Variants in ARMC7 observed in about 807,000 individuals in gnomAD.
ARMC7 encodes the protein armadillo repeat containing 7, also known as armadillo repeat-containing protein 7.
A neutral mutation model predicts 14.8 loss-of-function variants in ARMC7; 9 were observed. The observed-to-expected ratio is 0.61, with a 90% CI of 0.37 to 1.06. ARMC7 has a LOEUF of 1.06. ARMC7 is among the 50% of genes least tolerant of loss of function. ARMC7 has a pLI of 0.01. For synonymous variants in ARMC7, 125 were observed against 123.4 expected (o/e 1.01, Z -0.09); for missense variants, 262 against 267.1 (o/e 0.98, Z 0.13).
At chr17:75,120,191 C>T (rs1172161308) in intron 2 of ARMC7, among the ~76,000 whole-genome samples, 1 of 152,120 alleles carries the variant, frequency 6.6e-6, no homozygotes, top group East Asian at 1.9e-4. Context: ...CATGAGCCCC[C>T]ACGCCCGGCC....
intron 2 of ARMC7, among the ~76,000 whole-genome samples, chr17:75,115,519 C>A (rs924203490): frequency 7.9e-5 from 12 of 151,458 alleles, no homozygotes; most frequent in Non-Finnish European, 1.5e-4. Flanking sequence ...GCCTGGGTGA[C>A]AGAGCAAGAC....
intron 2 of ARMC7, among the ~76,000 whole-genome samples, chr17:75,116,590 A>G (rs1210385925): frequency 2.0e-5 from 3 of 152,160 alleles, no homozygotes; most frequent in Non-Finnish European, 2.9e-5. Flanking sequence ...ACGCCATTGC[A>G]CTCCAGCCTG....
At position 75,130,146 on chromosome 17, in the gene ARMC7, C is replaced by A; in HGVS notation, c.*1108C>A. The A allele has an allele frequency of 4.0e-6, 1 of 252,762 alleles. No homozygotes were observed. The highest frequency in any genetic ancestry group is 7.8e-6 in the Non-Finnish European group (1 of 128,712). The allele number at this position is 252,762 out of a possible 1,614,324, so 15.7% of individuals were successfully genotyped here. On this transcript the variant is annotated 3_prime_UTR_variant, in exon 3 of 3. Transcript: ENST00000245543. ...TGGGGCAGATTAGGGGACCACTGGA[C>A]TCAGAGGGGAGGGAAGGGCTCATCA...
chr17:75,122,812 A>G (rs566732564), intron 2 of ARMC7, among the ~76,000 whole-genome samples: 1 of 151,646 alleles, frequency 6.6e-6, no homozygotes, highest in South Asian at 2.1e-4. Flanking sequence ...AACAGCCAAT[A>G]TTTTGACAAA....
At chr17:75,127,925 T>C (rs2074063817) in intron 2 of ARMC7, among the ~76,000 whole-genome samples, 1 of 152,200 alleles carries the variant, frequency 6.6e-6, no homozygotes, top group South Asian at 2.1e-4. Flanking sequence ...TTTATTGCTA[T>C]ATGATGGACA....
intron 2 of ARMC7, among the ~76,000 whole-genome samples, chr17:75,111,307 A>C (rs55789633): frequency 0.018 from 2,663 of 151,090 alleles, 36 homozygotes; most frequent in Non-Finnish European, 0.03. Context: ...TTAGCCGGGC[A>C]TGGTGGTGGG....
At chr17:75,117,264 A>G (rs571818631) in intron 2 of ARMC7, among the ~76,000 whole-genome samples, 1 of 152,228 alleles carries the variant, frequency 6.6e-6, no homozygotes, top group Admixed American at 6.5e-5. Flanking sequence ...TTTAGTAGAG[A>G]CGGGGTTTCG....
At chr17:75,116,717 G>T (rs1221736674) in intron 2 of ARMC7, among the ~76,000 whole-genome samples, 1 of 152,208 alleles carries the variant, frequency 6.6e-6, no homozygotes, top group Admixed American at 6.5e-5. Context: ...GCCCTTAGAG[G>T]AGTTCCAATT....
Position 75,110,216 on chromosome 17 carries a change from G to T in ARMC7, c.-73G>T, listed in dbSNP as rs1435963187. On this transcript the variant is annotated 5_prime_UTR_variant, in exon 1 of 3. Coordinates refer to ENST00000245543, the MANE Select transcript of ARMC7 (RefSeq NM_024585.4). Reference sequence around the variant, plus strand: ...CCAGACAGGTGGAGAGCGGGTGAGGGTCTCGCTCGGCTTTCCCCCTGCACC... The same window carrying T: ...CCAGACAGGTGGAGAGCGGGTGAGGTTCTCGCTCGGCTTTCCCCCTGCACC... 7 of 1,408,760 alleles carry T rather than the reference G, an allele frequency of 5.0e-6. No individual in the cohort carries two copies. The highest frequency in any genetic ancestry group is 6.7e-6 in the Non-Finnish European group (7 of 1,051,364). 87.3% of individuals were successfully genotyped at this position (1,408,760 alleles called of 1,614,324 possible). A position where few individuals can be genotyped will look rare whatever the true frequency, so the allele number is the denominator to read the frequency against.
intron 2 of ARMC7, among the ~76,000 whole-genome samples, chr17:75,118,518 G>A (rs1213893767): frequency 6.6e-6 from 1 of 152,164 alleles, no homozygotes; most frequent in Non-Finnish European, 1.5e-5. Context: ...GTTGCCCGCC[G>A]TCGGCACCGC....
Position 75,123,049 on chromosome 17 carries a change from T to TA in ARMC7, c.236-5626dup, listed in dbSNP as rs376726544. On this transcript the variant is annotated intron_variant, in intron 2 of 2. Coordinates refer to ENST00000245543, the MANE Select transcript of ARMC7 (RefSeq NM_024585.4). The stretch of plus-strand genomic sequence containing the variant: ...TTTGGACACTTTTTTTTTTTTTTTT[T>TA]AATTTTTGAGGTGAAGTCTCACTCT... 5.4e-5 allele frequency among the ~76,000 whole-genome samples: 8 copies of TA among 149,466 alleles called. No individual in the cohort carries two copies. In the East Asian group the frequency reaches 5.9e-4, roughly 11 times the overall value.
intron 2 of ARMC7, among the ~76,000 whole-genome samples, chr17:75,120,227 A>G (rs974324595): frequency 6.6e-6 from 1 of 151,912 alleles, no homozygotes; most frequent in Non-Finnish European, 1.5e-5. Flanking sequence ...AATCCCTGGG[A>G]CCATCCTTCA....
At chr17:75,120,555 C>T (rs888205339) in intron 2 of ARMC7, among the ~76,000 whole-genome samples, 1 of 152,096 alleles carries the variant, frequency 6.6e-6, no homozygotes, top group Non-Finnish European at 1.5e-5. Context: ...TGGCTCAGGC[C>T]TGTAATCCCA....
chr17:75,112,569 T>TTTTC, intron 2 of ARMC7, among the ~76,000 whole-genome samples: 2 of 130,620 alleles, frequency 1.5e-5, no homozygotes, highest in Non-Finnish European at 3.2e-5. Context: ...TTTATTCTCT[T>TTTTC]TTTCTTTTTT....
intron 2 of ARMC7, among the ~76,000 whole-genome samples, chr17:75,124,688 C>CCCGCCATTTCCCATGGGAGGG (rs777709814): frequency 2.0e-4 from 30 of 151,980 alleles, no homozygotes; most frequent in South Asian, 8.3e-4. Context: ...TCCAGAGGGC[C>CCCGCCATTTCCCATGGGAGGG]CCGCCATTTC....
At chr17:75,115,715 A>G (rs1004635026) in intron 2 of ARMC7, among the ~76,000 whole-genome samples, 1 of 152,100 alleles carries the variant, frequency 6.6e-6, no homozygotes, top group African/African-American at 2.4e-5. Flanking sequence ...CAAAACAAGT[A>G]TCTGCTTGTT....
At chr17:75,120,446 C>G (rs1175807331) in intron 2 of ARMC7, among the ~76,000 whole-genome samples, 3 of 152,164 alleles carry the variant, frequency 2.0e-5, no homozygotes, top group Non-Finnish European at 1.5e-5. Flanking sequence ...CTTGTTTTCT[C>G]TCTGTCTTGT....
rs142697875 is a variant in ARMC7, at chr17:75,128,857, C to A, written c.416C>A (p.Thr139Lys). The change falls in exon 3 of 3, where the codon ACG becomes AAG. Residue 139 changes from threonine (T) to lysine (K), a missense_variant. Physicochemically the swap from Thr to Lys is moderately conservative, Grantham distance 78. Transcript: ENST00000245543. ...AGCTTTCTCCCAGAGCTGACCGCCA[C>A]GCCCGTGGTGCAGTGCATGCTTCGC... ...GRSFLPELTA[T>K]PVVQCMLRFS... 1 of 1,612,708 alleles carries A rather than the reference C, an allele frequency of 6.2e-7. No homozygotes were observed. Among genetic ancestry groups the A allele is most frequent in the Non-Finnish European group, 8.5e-7 (1 of 1,179,980 alleles).
intron 2 of ARMC7, chr17:75,114,894 C>T (rs1430801233): frequency 5.1e-6 from 2 of 389,458 alleles, no homozygotes; most frequent in Non-Finnish European, 9.1e-6. Context: ...TTACTGCCGT[C>T]GTTTCCCTTT....
Sources: gnomAD v4.1 joint callset for allele counts (sites outside exome capture counted in the v4.1 genomes callset) on GRCh38, gnomAD v4.1.1 for gene constraint, MANE v1.5 for transcripts, NCBI Gene and HGNC (gene_info 2026-07-23, HGNC 2026-07-21) for gene names.